The following NOS1 variants were observed in gnomAD, a reference collection of about 807,000 sequenced individuals.
NOS1 encodes NOS type I.
In NOS1, 51 loss-of-function variants were observed where a neutral mutation model predicts 164.5. That is an observed-to-expected ratio of 0.31 (90% CI 0.25 to 0.39). NOS1 has a LOEUF of 0.39. Ranked by LOEUF, NOS1 falls within the 10% of genes least tolerant of loss-of-function variation. The pLI is 1.00. For missense variants in NOS1, 1,362 were observed against 1,885.6 expected, an observed-to-expected ratio of 0.72 and a Z score of 5.14; for synonymous variants, 719 against 745.8, an observed-to-expected ratio of 0.96 and a Z score of 0.59.
intron 3 of NOS1, chr12:117,301,996 A>G (rs758605730): frequency 6.6e-6 from 3 of 456,688 alleles, no homozygotes; most frequent in South Asian, 4.6e-5. Context: ...CTGGGTTCAA[A>G]TCCCATCTCC....
intron 22 of NOS1, among the ~76,000 whole-genome samples, chr12:117,230,578 G>A (rs1165904463): frequency 6.6e-6 from 1 of 152,210 alleles, no homozygotes; most frequent in East Asian, 1.9e-4. Context: ...GCCATCCTGT[G>A]CTGGGGGCTT....
chr12:117,288,664 A>C (rs574921336), intron 4 of NOS1, among the ~76,000 whole-genome samples: 10 of 152,264 alleles, frequency 6.6e-5, no homozygotes, highest in Non-Finnish European at 1.5e-4. Context: ...CTCCATGAAG[A>C]AGTGGAACCT....
At chr12:117,311,284 G>A (rs1022226768) in intron 3 of NOS1, among the ~76,000 whole-genome samples, 182 bp downstream of exon 3, 1 of 151,928 alleles carries the variant, frequency 6.6e-6, no homozygotes, top group Non-Finnish European at 1.5e-5. Flanking sequence ...CAAAAACAAA[G>A]TCGAGATCCA....
chr12:117,265,446 T>A lies in NOS1; in HGVS notation c.2006A>T (p.Asn669Ile). The A allele has an allele frequency of 1.3e-6, 2 of 1,589,390 alleles. No individual in the cohort carries two copies. The highest frequency in any genetic ancestry group is 1.7e-6 in the Non-Finnish European group (2 of 1,168,616). Residue 669 changes from asparagine (N) to isoleucine (I), a missense_variant, in exon 12 of 29, where the codon AAT (asparagine) becomes ATT (isoleucine). Physicochemically the swap from Asn to Ile is moderately radical, Grantham distance 149 (BLOSUM62 -3). Coordinates refer to ENST00000317775, the MANE Select transcript of NOS1 (RefSeq NM_000620.5). ...ATESFIKHME[N>I]EYRCRGGCPA... is the part of the protein sequence containing the mutation. ...GCAGCCCCCCCGGCAGCGGTACTCA[T>A]TCTCCATGTGCTTAATGAAGGACTC...
intron 4 of NOS1, among the ~76,000 whole-genome samples, chr12:117,288,592 C>G (rs9658341): frequency 6.6e-6 from 1 of 152,098 alleles, no homozygotes; most frequent in East Asian, 1.9e-4. Context: ...GATTGCAAAA[C>G]AGGACCCTAA....
intron 11 of NOS1, among the ~76,000 whole-genome samples, chr12:117,267,161 C>T (rs935647717): frequency 1.3e-5 from 2 of 152,174 alleles, no homozygotes; most frequent in East Asian, 1.9e-4. Context: ...AGACTGGAAG[C>T]CCCCAGAGGA....
intron 20 of NOS1, among the ~76,000 whole-genome samples, chr12:117,237,141 T>G (rs907350063): frequency 1.3e-5 from 2 of 152,138 alleles, no homozygotes; most frequent in Non-Finnish European, 1.5e-5. Context: ...AAGTAGAGAA[T>G]TTTTAGCATT....
chr12:117,337,104 CTCTTTT>C (rs1875859547), intron 1 of NOS1, among the ~76,000 whole-genome samples: 1 of 94,074 alleles, frequency 1.1e-5, no homozygotes, highest in African/African-American at 3.9e-5. Context: ...CTGCTTTTTA[CTCTTTT>C]TTTTTTTTTT....
chr12:117,318,645 C>T (rs150509918), intron 2 of NOS1, among the ~76,000 whole-genome samples: 5 of 152,264 alleles, frequency 3.3e-5, no homozygotes, highest in Admixed American at 3.3e-4. Context: ...CTTGATTCCC[C>T]AGGAAGTTTG....
intron 3 of NOS1, among the ~76,000 whole-genome samples, chr12:117,307,276 C>A (rs951679126): frequency 1.3e-5 from 2 of 152,138 alleles, no homozygotes; most frequent in African/African-American, 4.8e-5. Flanking sequence ...GGCTGGGTAA[C>A]TTCCAAACAG....
intron 2 of NOS1, among the ~76,000 whole-genome samples, chr12:117,315,948 T>C (rs966399479): frequency 6.6e-6 from 1 of 152,192 alleles, no homozygotes; most frequent in Non-Finnish European, 1.5e-5. Flanking sequence ...ACTATTCCTC[T>C]AAGTCATCTC....
At chr12:117,223,355 G>A (rs1419204014) in intron 25 of NOS1, among the ~76,000 whole-genome samples, 6 of 150,264 alleles carry the variant, frequency 4.0e-5, no homozygotes, top group Admixed American at 2.7e-4. Context: ...TCCACCTCCC[G>A]GGTTCAATCC....
rs56004169 is a variant in NOS1, at chr12:117,330,329, C to CACACACAA, written c.725+15_725+16insTTGTGTGT. ...ACACACACACACACACACACACACA[C>CACACACAA]CCCTGTGGAGCTTACCTGTCCACCT... On this transcript the variant is annotated intron_variant, in intron 2 of 28. Coordinates refer to ENST00000317775, the MANE Select transcript of NOS1 (RefSeq NM_000620.5). The surrounding 1 kb of genome is among the most constrained non-coding windows in gnomAD (Gnocchi z 4.6). The CACACACAA allele has an allele frequency of 1.9e-6, 3 of 1,597,370 alleles. No homozygotes were observed. Among genetic ancestry groups the CACACACAA allele is most frequent in the Non-Finnish European group, 2.6e-6 (3 of 1,171,900 alleles).
chr12:117,249,881 C>A (rs1870951190), intron 17 of NOS1, among the ~76,000 whole-genome samples: 1 of 152,124 alleles, frequency 6.6e-6, no homozygotes, highest in South Asian at 2.1e-4. Context: ...TAGGTCTAGA[C>A]CTCACAGGGA....
At chr12:117,268,715 G>A (rs1592970700) in intron 10 of NOS1, among the ~76,000 whole-genome samples, 1 of 149,460 alleles carries the variant, frequency 6.7e-6, no homozygotes, top group African/African-American at 2.5e-5. Context: ...TTAGCCTCCT[G>A]AGTAGCTGGG....
intron 2 of NOS1, among the ~76,000 whole-genome samples, chr12:117,323,464 C>T (rs1423673784): frequency 6.6e-6 from 1 of 152,222 alleles, no homozygotes; most frequent in African/African-American, 2.4e-5. Flanking sequence ...AATTTGGGGT[C>T]AAGTCCTGGC....
chr12:117,285,137 G>T, intron 7 of NOS1, 104 bp downstream of exon 7: 1 of 536,316 alleles, frequency 1.9e-6, no homozygotes, highest in Non-Finnish European at 3.3e-6. Context: ...GTGTCCCTGA[G>T]ATGAGGTGCA....
intron 3 of NOS1, among the ~76,000 whole-genome samples, chr12:117,303,460 C>A (rs1449019511): frequency 6.6e-6 from 1 of 152,092 alleles, no homozygotes; most frequent in Non-Finnish European, 1.5e-5. Context: ...GGTGGCTGAG[C>A]TTGGGGAGTG....
intron 3 of NOS1, among the ~76,000 whole-genome samples, chr12:117,305,786 G>A (rs1425928700): frequency 6.7e-6 from 1 of 150,196 alleles, no homozygotes; most frequent in African/African-American, 2.4e-5. Context: ...TCGCAGGCCC[G>A]TGACTTTTTT....
Sources: gnomAD v4.1 joint callset for allele counts (sites outside exome capture counted in the v4.1 genomes callset) on GRCh38, gnomAD v4.1.1 for gene constraint, Gnocchi (gnomAD v3.1) non-coding constraint, MANE v1.5 for transcripts, NCBI Gene and HGNC (gene_info 2026-07-23, HGNC 2026-07-21) for gene names.